CHI3L2: variants seen among roughly 807,000 people sequenced by gnomAD.
CHI3L2 encodes chitinase-3-like protein 2.
CHI3L2 carries 47 observed loss-of-function variants against 47.3 expected under a neutral mutation model. The observed-to-expected ratio is 0.99, with a 90% confidence interval of 0.79 to 1.27. The LOEUF (loss-of-function observed/expected upper bound fraction) is 1.27. Ranked by LOEUF, CHI3L2 falls within the 50% of genes most tolerant of loss-of-function variation. The pLI, the probability that CHI3L2 is intolerant of heterozygous loss-of-function variation, is 0.00. For missense variants in CHI3L2, 497 were observed against 462.1 expected, an observed-to-expected ratio of 1.08 and a Z score of -0.69; for synonymous variants, 198 against 169.9, an observed-to-expected ratio of 1.17 and a Z score of -1.28.
At chr1:111,232,183 G>A (rs893094998) in intron 4 of CHI3L2, among the ~76,000 whole-genome samples, 12 of 152,170 alleles carry the variant, frequency 7.9e-5, no homozygotes, top group Non-Finnish European at 1.3e-4. Flanking sequence ...AGAAAGATCA[G>A]GCTACCTAAC....
intron 4 of CHI3L2, among the ~76,000 whole-genome samples, chr1:111,233,388 G>A (rs1659782878): frequency 6.6e-6 from 1 of 152,202 alleles, no homozygotes; most frequent in South Asian, 2.1e-4. Flanking sequence ...TCCCAATTTA[G>A]AGGTGGCCAG....
intron 5 of CHI3L2, among the ~76,000 whole-genome samples, chr1:111,235,362 G>A (rs1659848032): frequency 6.6e-6 from 1 of 152,138 alleles, no homozygotes; most frequent in African/African-American, 2.4e-5. Context: ...TGAGTACTGA[G>A]GTGGCCTCAC....
chr1:111,235,574 G>A (rs1659855409), intron 5 of CHI3L2, 65 bp from the exon 6 acceptor site: 9 of 1,534,008 alleles, frequency 5.9e-6, no homozygotes, highest in Non-Finnish European at 7.9e-6. Context: ...TAGATTCCAG[G>A]CAAGAAGCTT....
intron 10 of CHI3L2, chr1:111,242,626 T>TAC (rs1660095584): frequency 3.5e-6 from 1 of 289,638 alleles, no homozygotes; most frequent in Non-Finnish European, 6.4e-6. Flanking sequence ...TTTCATTACA[T>TAC]ATATATTAGG....
In CHI3L2 at chr1:111,231,312, T is replaced by C. The variant is rs374918413; in HGVS notation, c.329+18T>C. ...TCCAAAGGGTAAGACTACATCTTTA[T>C]TTTTTGTTCATTTCCCCATGTAATT... On this transcript the variant is annotated intron_variant, in intron 4 of 10. Transcript: ENST00000369748. The C allele has an allele frequency of 1.9e-6, 3 of 1,570,994 alleles. No individual in the cohort carries two copies. The highest frequency in any genetic ancestry group is 1.7e-5 in the Admixed American group (1 of 57,166).
At chr1:111,229,033 C>T (rs12079968) in intron 1 of CHI3L2, among the ~76,000 whole-genome samples, 8,552 of 152,258 alleles carry the variant, frequency 0.056, 709 homozygotes, top group African/African-American at 0.18. Flanking sequence ...ATTGTTTATA[C>T]ATAGTGGGAC....
chr1:111,228,885 T>C (rs2101542825), intron 1 of CHI3L2, among the ~76,000 whole-genome samples: 1 of 152,248 alleles, frequency 6.6e-6, no homozygotes, highest in East Asian at 1.9e-4. Context: ...TTTAGGAGGA[T>C]GTGTTAAGTA....
At chr1:111,230,656 T>C (rs1659687721) in intron 2 of CHI3L2, 86 bp from the exon 3 acceptor site, 2 of 1,118,020 alleles carry the variant, frequency 1.8e-6, no homozygotes, top group Admixed American at 3.6e-5. Flanking sequence ...AATGATGCAA[T>C]GGCTGTCTTG....
At chr1:111,236,299 G>A (rs1038352779) in intron 7 of CHI3L2, 146 bp downstream of exon 7, 3 of 816,522 alleles carry the variant, frequency 3.7e-6, no homozygotes, top group Admixed American at 3.0e-5. Context: ...GCAAGTGAGT[G>A]CAGGAGAAGT....
At chr1:111,230,558 C>T (rs1013446841) in intron 2 of CHI3L2, among the ~76,000 whole-genome samples, 184 bp from the exon 3 acceptor site, 8 of 152,178 alleles carry the variant, frequency 5.3e-5, no homozygotes, top group East Asian at 1.9e-4. Flanking sequence ...CCAGTCTCAG[C>T]GTATTTCTTA....
chr1:111,235,263 G>C (rs1228544748), intron 5 of CHI3L2, among the ~76,000 whole-genome samples: 4 of 152,086 alleles, frequency 2.6e-5, no homozygotes, highest in Non-Finnish European at 5.9e-5. Flanking sequence ...GAGCCCCCTT[G>C]CACATTTATT....
chr1:111,233,652 G>A (rs928776422), intron 4 of CHI3L2, among the ~76,000 whole-genome samples: 1 of 152,146 alleles, frequency 6.6e-6, no homozygotes, highest in East Asian at 1.9e-4. Flanking sequence ...TGGGAAGTGA[G>A]GAGCCCCTCT....
At chr1:111,235,843 T>C in intron 6 of CHI3L2, 80 bp downstream of exon 6, 1 of 1,579,738 alleles carries the variant, frequency 6.3e-7, no homozygotes, top group Non-Finnish European at 8.6e-7. Context: ...GTTTGACGGA[T>C]GAGGGGAGGA....
At chr1:111,238,971 G>T in intron 8 of CHI3L2, 39 bp downstream of exon 8, 1 of 1,525,308 alleles carries the variant, frequency 6.6e-7, no homozygotes, top group Non-Finnish European at 8.8e-7. Flanking sequence ...TCCCTGCCAT[G>T]TCTGGGTAGA....
intron 7 of CHI3L2, among the ~76,000 whole-genome samples, chr1:111,237,847 G>A (rs1457381393): frequency 1.3e-5 from 2 of 152,198 alleles, no homozygotes; most frequent in East Asian, 3.9e-4. Context: ...CAGCTGACCA[G>A]CATTAACATC....
Position 111,235,746 on chromosome 1 carries a change from A to C in CHI3L2, c.588A>C (p.Gln196His). 1.2e-6 allele frequency: 2 copies of C among 1,613,950 alleles called. No homozygotes were observed. Residue 196 changes from glutamine (Q) to histidine (H), a missense_variant, in exon 6 of 11, where the codon CAA becomes CAC. Gln to His is a conservative substitution (Grantham distance 24). Coordinates refer to ENST00000369748, the MANE Select transcript of CHI3L2 (RefSeq NM_004000.3). ...GGCAAATGATTGATAACAGCTATCA[A>C]GTTGAGAAACTGGCAAAGTGAGTAC... ...AGRQMIDNSY[Q>H]VEKLAKDLDF... is the part of the protein sequence containing the mutation.
intron 1 of CHI3L2, among the ~76,000 whole-genome samples, chr1:111,228,317 G>A (rs1237742089): frequency 6.6e-6 from 1 of 152,140 alleles, no homozygotes; most frequent in Non-Finnish European, 1.5e-5. Context: ...AACGGGGGAC[G>A]TTTACCAGGA....
At chr1:111,241,911 A>G (rs1258237430) in intron 9 of CHI3L2, among the ~76,000 whole-genome samples, 1 of 152,186 alleles carries the variant, frequency 6.6e-6, no homozygotes, top group African/African-American at 2.4e-5. Flanking sequence ...AGGAGGCTTG[A>G]GTGTAATTGA....
At chr1:111,240,263 G>A (rs1035670697) in intron 8 of CHI3L2, among the ~76,000 whole-genome samples, 1 of 152,178 alleles carries the variant, frequency 6.6e-6, no homozygotes, top group Non-Finnish European at 1.5e-5. Flanking sequence ...TCAGTGTAAT[G>A]CTCAATTTTT....
Sources: allele counts gnomAD v4.1 joint callset (sites outside exome capture counted in the v4.1 genomes callset), GRCh38; gene constraint gnomAD v4.1.1; transcripts MANE v1.5; gene names NCBI Gene and HGNC (gene_info 2026-07-23, HGNC 2026-07-21).